The following SCFD2 variants were observed in gnomAD, a reference collection of about 807,000 sequenced individuals.
The protein encoded by SCFD2 is sec1 family domain containing 2, also known as sec1 family domain-containing protein 2.
Under a neutral mutation model 58.9 loss-of-function variants are expected in SCFD2, and 54 were observed. That is an observed-to-expected ratio of 0.92 (90% CI 0.74 to 1.15). The LOEUF (loss-of-function observed/expected upper bound fraction) is 1.15, where lower values mean the gene tolerates loss of function less well. Among genes scored for constraint, SCFD2 ranks in the 50% most tolerant of loss-of-function variants. SCFD2 has a pLI of 0.00. For synonymous variants in SCFD2, 321 were observed against 335.9 expected (o/e 0.96, Z 0.49); for missense variants, 805 against 836.6 (o/e 0.96, Z 0.47).
At chr4:53,167,320 G>A (rs1321435319) in intron 4 of SCFD2, among the ~76,000 whole-genome samples, 1 of 152,282 alleles carries the variant, frequency 6.6e-6, no homozygotes, top group South Asian at 2.1e-4. Flanking sequence ...TTAGGCTAAT[G>A]TGTCCAAAGG....
intron 5 of SCFD2, among the ~76,000 whole-genome samples, chr4:53,020,492 C>T (rs1272768312): frequency 6.6e-6 from 1 of 152,188 alleles, no homozygotes; most frequent in Non-Finnish European, 1.5e-5. Flanking sequence ...TGTCTTTCTA[C>T]ATCCCCATCC....
chr4:53,016,052 T>C (rs1455982209), intron 5 of SCFD2, among the ~76,000 whole-genome samples: 1 of 152,156 alleles, frequency 6.6e-6, no homozygotes, highest in African/African-American at 2.4e-5. Context: ...GCTTCTAACA[T>C]CTAAAATAAC....
intron 5 of SCFD2, among the ~76,000 whole-genome samples, chr4:52,964,867 T>C (rs1331982675): frequency 6.6e-6 from 1 of 152,182 alleles, no homozygotes; most frequent in Admixed American, 6.5e-5. Context: ...TAACACTATG[T>C]TAATTTAGTG....
Position 53,365,658 on chromosome 4 carries a change from C to A in SCFD2, c.284G>T (p.Arg95Leu). 1 of 1,614,176 alleles carries A rather than the reference C, an allele frequency of 6.2e-7. No homozygotes were observed. Among genetic ancestry groups the A allele is most frequent in the Non-Finnish European group, 8.5e-7 (1 of 1,180,028 alleles). ...CACCACACAATACTGGAAGTGACTG[C>A]GGCAGATGATGTCCCGTAGGATCTC... ...TVEILRDIIC[R>L]SHFQYCVVVT... The change falls in exon 1 of 9, where the codon CGC becomes CTC. Residue 95 changes from arginine to leucine, a missense_variant. Arg to Leu is a moderately radical substitution (Grantham distance 102, BLOSUM62 -2). This residue lies in a region of SCFD2 where 155 missense variants were observed against 149.7 expected (regional missense o/e 1.04). Transcript: ENST00000401642. This position sits in a 1 kb window ranked among gnomAD's most constrained non-coding sequence, Gnocchi z 4.3.
At chr4:52,934,240 G>GA (rs1260429613) in intron 5 of SCFD2, among the ~76,000 whole-genome samples, 7 of 151,874 alleles carry the variant, frequency 4.6e-5, no homozygotes, top group South Asian at 4.2e-4. Context: ...CTCCCAGTGG[G>GA]AAAAAAAATG....
chr4:53,049,134 G>A (rs1224737406), intron 5 of SCFD2, among the ~76,000 whole-genome samples: 3 of 152,098 alleles, frequency 2.0e-5, no homozygotes, highest in East Asian at 1.9e-4. Context: ...GACTTCACAC[G>A]GTTAATTCCA....
intron 5 of SCFD2, among the ~76,000 whole-genome samples, chr4:53,051,550 C>T (rs1723192195): frequency 6.6e-6 from 1 of 152,180 alleles, no homozygotes; most frequent in Non-Finnish European, 1.5e-5. Context: ...CCATGCTATG[C>T]TTGGCTTGAG....
chr4:53,300,966 T>G (rs1327706312), intron 3 of SCFD2, among the ~76,000 whole-genome samples: 1 of 152,108 alleles, frequency 6.6e-6, no homozygotes, highest in Non-Finnish European at 1.5e-5. Context: ...AGAGGGAAAT[T>G]TATAGCACTA....
chr4:53,188,995 G>C (rs1316187218), intron 4 of SCFD2, among the ~76,000 whole-genome samples: 1 of 152,122 alleles, frequency 6.6e-6, no homozygotes, highest in Non-Finnish European at 1.5e-5. Flanking sequence ...AGGTAACTCA[G>C]GAATGCTCAT....
At chr4:53,007,016 C>A (rs1721983430) in intron 5 of SCFD2, among the ~76,000 whole-genome samples, 1 of 151,986 alleles carries the variant, frequency 6.6e-6, no homozygotes, top group African/African-American at 2.4e-5. Flanking sequence ...CACGGTGGCT[C>A]ACGCCTATAA....
chr4:53,196,524 G>A (rs988397404), intron 4 of SCFD2, among the ~76,000 whole-genome samples: 1 of 152,116 alleles, frequency 6.6e-6, no homozygotes, highest in African/African-American at 2.4e-5. Flanking sequence ...AGCAAGCCAG[G>A]CAAAGACCAT....
intron 5 of SCFD2, among the ~76,000 whole-genome samples, chr4:53,014,233 G>A (rs1722160674): frequency 6.6e-6 from 1 of 152,196 alleles, no homozygotes; most frequent in Non-Finnish European, 1.5e-5. Context: ...TGGAGTGGCA[G>A]TGATTGTTCC....
chr4:53,186,499 T>C (rs1727740739), intron 4 of SCFD2, among the ~76,000 whole-genome samples: 1 of 151,752 alleles, frequency 6.6e-6, no homozygotes, highest in African/African-American at 2.4e-5. Flanking sequence ...AGCATTAATA[T>C]GGGAAAAAAG....
At chr4:52,900,078 C>G (rs1187977390) in intron 7 of SCFD2, among the ~76,000 whole-genome samples, 1 of 152,062 alleles carries the variant, frequency 6.6e-6, no homozygotes, top group Non-Finnish European at 1.5e-5. Context: ...TTTTTAACTG[C>G]TTTGCCATGG....
chr4:52,948,641 A>C, intron 5 of SCFD2: 1 of 429,122 alleles, frequency 2.3e-6, no homozygotes, highest in Non-Finnish European at 4.7e-6. Flanking sequence ...ATATTGTGCT[A>C]ATTTCCAACT....
chr4:52,991,958 G>A lies in SCFD2; in HGVS notation c.1562-71088C>T, dbSNP rs116711800. Among the ~76,000 whole-genome samples the A allele has an allele frequency of 6.9e-3, 1,044 of 152,156 alleles. 11 individuals are homozygous for A. The highest frequency in any genetic ancestry group is 0.024 in the African/African-American group (1,007 of 41,490). ...CCCCAAGCAGCCTTAAAATGTGTGC[G>A]TATATTTTTCTTAAGTATGTTTTTG... is the stretch of plus-strand genomic sequence containing the variant. On this transcript the variant is annotated intron_variant, in intron 5 of 8. Transcript: ENST00000401642.
At chr4:53,017,455 T>C (rs6854759) in intron 5 of SCFD2, among the ~76,000 whole-genome samples, 2,091 of 152,324 alleles carry the variant, frequency 0.014, 44 homozygotes, top group African/African-American at 0.048. Context: ...ACAGATGAAA[T>C]AGTAGGTGCA....
chr4:53,121,011 C>T (rs572887743), intron 5 of SCFD2, among the ~76,000 whole-genome samples: 3 of 152,320 alleles, frequency 2.0e-5, no homozygotes, highest in Admixed American at 6.5e-5. Flanking sequence ...GCTTGCCAAG[C>T]GGCTACTACG....
chr4:53,207,950 T>A (rs1176130467), intron 4 of SCFD2, among the ~76,000 whole-genome samples: 1 of 145,622 alleles, frequency 6.9e-6, no homozygotes, highest in East Asian at 2.0e-4. Flanking sequence ...TTTTTCTTTC[T>A]TTTCTTTTCT....
Sources: gnomAD v4.1 joint callset for allele counts (sites outside exome capture counted in the v4.1 genomes callset) on GRCh38, gnomAD v4.1.1 for gene constraint, gnomAD v4.1.1 regional missense constraint, Gnocchi (gnomAD v3.1) non-coding constraint, MANE v1.5 for transcripts, NCBI Gene and HGNC (gene_info 2026-07-23, HGNC 2026-07-21) for gene names.